NSD1: variants seen among roughly 807,000 people sequenced by gnomAD.
The protein encoded by NSD1 is nuclear receptor binding SET domain protein 1.
NSD1 carries 26 observed loss-of-function variants against 242.7 expected under a neutral mutation model. The ratio of observed to expected loss-of-function variants is 0.11; its 90% CI spans 0.08 to 0.15. The LOEUF (loss-of-function observed/expected upper bound fraction) is 0.15. NSD1 is among the 10% of genes least tolerant of loss of function. NSD1 has a pLI of 1.00. For synonymous variants in NSD1, 1,106 were observed against 1,178.1 expected, an observed-to-expected ratio of 0.94 and a Z score of 1.25; for missense variants, 2,495 against 3,272.8, an observed-to-expected ratio of 0.76 and a Z score of 5.80.
chr5:177,266,537 C>T, intron 14 of NSD1: 1 of 670,392 alleles, frequency 1.5e-6, no homozygotes, highest in Non-Finnish European at 2.5e-6. Context: ...CTGCTTTCCG[C>T]CTGGCCACAG....
chr5:177,134,966 T>C lies in NSD1; in HGVS notation c.-17-121T>C, dbSNP rs1581088428. 1 of 835,408 alleles carries C rather than the reference T, an allele frequency of 1.2e-6. No individual in the cohort carries two copies. Among genetic ancestry groups the C allele is most frequent in the East Asian group, 2.5e-5 (1 of 40,606 alleles). 51.7% of individuals were successfully genotyped at this position (835,408 alleles called of 1,614,324 possible). A position where few individuals can be genotyped will look rare whatever the true frequency, so the allele number is the denominator to read the frequency against. On this transcript the variant is annotated intron_variant, in intron 1 of 22. Transcript: ENST00000439151. The surrounding 1 kb of genome is among the most constrained non-coding windows in gnomAD (Gnocchi z 4.2). ...CATCTCCAGTCGGGGGAACTTTTTC[T>C]GCCCATGGAAGTGCAGCAGAAAGGC...
chr5:177,132,634 G>A (rs1216627052), upstream of NSD1, among the ~76,000 whole-genome samples: 2 of 152,014 alleles, frequency 1.3e-5, no homozygotes, highest in African/African-American at 2.4e-5. This position sits in a 1 kb window ranked among gnomAD's most constrained non-coding sequence, Gnocchi z 7.5. Context: ...GTGCGGACGC[G>A]CTGTCAGGCT....
Position 177,135,608 on chromosome 5 carries a change from G to A in NSD1, c.505G>A (p.Asp169Asn), listed in dbSNP as rs762448869. The change falls in exon 2 of 23, where the codon GAC becomes AAC. Residue 169 changes from aspartate (D) to asparagine (N), a missense_variant. Coordinates refer to ENST00000439151, the MANE Select transcript of NSD1 (RefSeq NM_022455.5). ...CGATGCAGATGTAGATTCTGAAATG[G>A]ACCCAGAACAGCCAGTCACAGAGGA... is the stretch of plus-strand genomic sequence containing the variant. Reference protein sequence around the residue: ...VDDADVDSEMDPEQPVTEDES... With the variant: ...VDDADVDSEMNPEQPVTEDES... 3 of 1,614,144 alleles carry A rather than the reference G, an allele frequency of 1.9e-6. No homozygotes were observed. In the Admixed American group the frequency reaches 5.0e-5, roughly 27 times the overall value.
intron 2 of NSD1, among the ~76,000 whole-genome samples, chr5:177,174,157 G>A (rs1183301378): frequency 5.9e-5 from 9 of 152,032 alleles, no homozygotes; most frequent in Admixed American, 3.9e-4. Context: ...ACGAGGTCAA[G>A]AGATCGAGAC....
At chr5:177,286,303 T>C (rs975579467) in intron 20 of NSD1, among the ~76,000 whole-genome samples, 1 of 152,242 alleles carries the variant, frequency 6.6e-6, no homozygotes, top group Non-Finnish European at 1.5e-5. Context: ...CTAGTTACTT[T>C]CGGGTTTTGC....
chr5:177,164,892 G>A (rs947471248), intron 2 of NSD1, among the ~76,000 whole-genome samples: 3 of 151,332 alleles, frequency 2.0e-5, no homozygotes, highest in African/African-American at 7.3e-5. Flanking sequence ...ACAGTGAGCC[G>A]AGATCCTGCC....
chr5:177,249,490 G>A (rs1460411420), intron 11 of NSD1, among the ~76,000 whole-genome samples: 1 of 151,136 alleles, frequency 6.6e-6, no homozygotes, highest in South Asian at 2.1e-4. Context: ...TTTTTGAGAC[G>A]AAGTCTCGCT....
chr5:177,140,374 G>A (rs1197678635), intron 2 of NSD1, among the ~76,000 whole-genome samples: 3 of 152,170 alleles, frequency 2.0e-5, no homozygotes, highest in African/African-American at 7.2e-5. Context: ...ATGGGGCCTA[G>A]AAATTCAGAC....
intron 17 of NSD1, 88 bp downstream of exon 17, chr5:177,273,872 CA>C: frequency 1.1e-6 from 1 of 902,300 alleles, no homozygotes; most frequent in Non-Finnish European, 1.8e-6. Context: ...AACGGAAGCA[CA>C]AGCATAGTTC....
chr5:177,281,352 A>T (rs796874151), intron 18 of NSD1, among the ~76,000 whole-genome samples: 21 of 128,676 alleles, frequency 1.6e-4, no homozygotes, highest in African/African-American at 3.6e-4. Context: ...TTTTTTAATA[A>T]AATAAGCCTT....
At chr5:177,284,047 A>C in intron 20 of NSD1, 119 bp downstream of exon 20, 1 of 1,261,948 alleles carries the variant, frequency 7.9e-7, no homozygotes, top group South Asian at 1.2e-5. Flanking sequence ...CTCTGGAATT[A>C]AGTTCATTTA....
intron 3 of NSD1, among the ~76,000 whole-genome samples, chr5:177,200,749 A>G (rs550246509): frequency 5.5e-4 from 83 of 151,908 alleles, no homozygotes; most frequent in Non-Finnish European, 8.7e-4. Context: ...CTCTCTCTCA[A>G]TTTTTTTAAA....
intron 2 of NSD1, among the ~76,000 whole-genome samples, chr5:177,177,041 C>T (rs1760263328): frequency 1.3e-5 from 2 of 152,172 alleles, no homozygotes. Context: ...CTTTCTTACT[C>T]ATTAATTTAT....
chr5:177,248,658 A>G (rs1197559183), intron 11 of NSD1, among the ~76,000 whole-genome samples: 1 of 152,218 alleles, frequency 6.6e-6, no homozygotes, highest in African/African-American at 2.4e-5. Context: ...TTGGGTTTGT[A>G]AGAAACTTTT....
chr5:177,160,442 AG>A (rs1406213352), intron 2 of NSD1, among the ~76,000 whole-genome samples: 1 of 151,498 alleles, frequency 6.6e-6, no homozygotes, highest in East Asian at 1.9e-4. Context: ...CTGGGGTTAC[AG>A]GCACGTGCCA....
At position 177,299,827 on chromosome 5, in the gene NSD1, C is replaced by G. The variant is rs192750795; in HGVS notation, c.*4368C>G. 3 of 233,268 alleles carry G rather than the reference C, an allele frequency of 1.3e-5. No individual in the cohort carries two copies. Among genetic ancestry groups the G allele is most frequent in the Admixed American group, 5.6e-5 (1 of 17,794 alleles). 14.4% of individuals were successfully genotyped at this position (233,268 alleles called of 1,614,324 possible). The stretch of plus-strand genomic sequence containing the variant: ...GCAGAAATAAATGGTTCTATGTTTT[C>G]AACTTCCAGGGTTGGGGCAGGCCAG... On this transcript the variant is annotated 3_prime_UTR_variant, in exon 23 of 23. Coordinates refer to ENST00000439151, the MANE Select transcript of NSD1 (RefSeq NM_022455.5).
chr5:177,182,730 C>T (rs906020514), intron 2 of NSD1, among the ~76,000 whole-genome samples: 1 of 152,116 alleles, frequency 6.6e-6, no homozygotes, highest in Non-Finnish European at 1.5e-5. Flanking sequence ...TTCCATCTCC[C>T]GGGTTCGAGT....
At chr5:177,250,900 A>G (rs1755892612) in intron 11 of NSD1, among the ~76,000 whole-genome samples, 1 of 152,168 alleles carries the variant, frequency 6.6e-6, no homozygotes, top group South Asian at 2.1e-4. Context: ...CAAGGCTTTA[A>G]AAATATTTGG....
chr5:177,164,565 T>C (rs1446947727), intron 2 of NSD1, among the ~76,000 whole-genome samples: 5 of 152,220 alleles, frequency 3.3e-5, no homozygotes, highest in Non-Finnish European at 7.3e-5. Flanking sequence ...AGTAATAAAA[T>C]GTTCTTTCTG....
Sources: allele counts gnomAD v4.1 joint callset (sites outside exome capture counted in the v4.1 genomes callset), GRCh38; gene constraint gnomAD v4.1.1; non-coding constraint Gnocchi (gnomAD v3.1); transcripts MANE v1.5; gene names NCBI Gene and HGNC (gene_info 2026-07-23, HGNC 2026-07-21).